The following ZNF407 variants were observed in gnomAD, a reference collection of about 807,000 sequenced individuals.
ZNF407 encodes the protein zinc finger protein 407.
Under a neutral mutation model 131.2 loss-of-function variants are expected in ZNF407, and 17 were observed. The observed-to-expected ratio is 0.13, with a 90% CI of 0.09 to 0.19. ZNF407 has a LOEUF of 0.19. Among genes scored for constraint, ZNF407 ranks in the 10% least tolerant of loss-of-function variants. The probability of loss-of-function intolerance (pLI) is 1.00; values close to 1 mark genes in which losing one functional copy is unlikely to be tolerated. For synonymous variants in ZNF407, 1,156 were observed against 1,062.0 expected (o/e 1.09, Z -1.72); for missense variants, 2,681 against 2,830.6 (o/e 0.95, Z 1.20).
chr18:74,814,026 C>T (rs1251517139), intron 4 of ZNF407, among the ~76,000 whole-genome samples: 3 of 152,146 alleles, frequency 2.0e-5, no homozygotes, highest in Admixed American at 2.0e-4. Flanking sequence ...TCCTACCCTT[C>T]ATGGCATAAG....
rs192279989 is a variant in ZNF407, at chr18:74,763,159, T to G, written c.4803-18269T>G. Among the ~76,000 whole-genome samples the G allele has an allele frequency of 6.3e-5, 9 of 143,450 alleles. 1 individual carries two copies. In the East Asian group the frequency reaches 2.0e-3, roughly 33 times the overall value. 94.1% of individuals were successfully genotyped at this position (143,450 alleles called of 152,430 possible). A position where few individuals can be genotyped will look rare whatever the true frequency, so the allele number is the denominator to read the frequency against. On this transcript the variant is annotated intron_variant, in intron 3 of 8. Transcript: ENST00000299687. ...AGAGGAATCTCTTGGTGATTTAATT[T>G]GCATGTCCCTAATGATTTTGAGCAT...
At chr18:74,655,410 A>T (rs533205881) in intron 3 of ZNF407, among the ~76,000 whole-genome samples, 51 of 152,216 alleles carry the variant, frequency 3.4e-4, no homozygotes, top group African/African-American at 1.2e-3. Context: ...ATTTGAAAAA[A>T]TATACATTAC....
At chr18:74,961,773 C>T (rs889329081) in intron 8 of ZNF407, among the ~76,000 whole-genome samples, 1 of 151,670 alleles carries the variant, frequency 6.6e-6, no homozygotes, top group East Asian at 1.9e-4. Flanking sequence ...AATGAGGTTT[C>T]TGTGGTTTTT....
intron 8 of ZNF407, among the ~76,000 whole-genome samples, chr18:75,041,472 C>G (rs541712227): frequency 1.3e-5 from 2 of 152,220 alleles, no homozygotes; most frequent in East Asian, 3.9e-4. Flanking sequence ...CACACACACT[C>G]ACACACACAG....
At chr18:75,038,323 T>G (rs1389843096) in intron 8 of ZNF407, among the ~76,000 whole-genome samples, 1 of 152,214 alleles carries the variant, frequency 6.6e-6, no homozygotes, top group Non-Finnish European at 1.5e-5. Context: ...AACTTCCCCA[T>G]AGTGTCTGAG....
At chr18:74,862,041 T>C (rs776417108) in intron 4 of ZNF407, among the ~76,000 whole-genome samples, 3 of 152,224 alleles carry the variant, frequency 2.0e-5, no homozygotes, top group Non-Finnish European at 4.4e-5. Flanking sequence ...TTGTGAATAG[T>C]ATTTTCTTTG....
intron 8 of ZNF407, among the ~76,000 whole-genome samples, chr18:74,974,452 G>A (rs938765759): frequency 9.2e-5 from 14 of 152,156 alleles, no homozygotes; most frequent in African/African-American, 3.1e-4. Context: ...GAAGATGGCT[G>A]TAATGACATC....
intron 3 of ZNF407, among the ~76,000 whole-genome samples, chr18:74,727,103 G>T (rs143210016): frequency 2.6e-5 from 4 of 152,238 alleles, no homozygotes; most frequent in African/African-American, 9.6e-5. Context: ...CACTTAGCTG[G>T]GTACTAAGAT....
Position 74,903,069 on chromosome 18 carries a change from T to C in ZNF407, c.5249+13031T>C, listed in dbSNP as rs527975233. Among the ~76,000 whole-genome samples the C allele has an allele frequency of 2.0e-5, 3 of 152,300 alleles. No homozygotes were observed. The South Asian group carries it at 6.2e-4, about 32-fold the overall frequency. On this transcript the variant is annotated intron_variant, in intron 7 of 8. Coordinates refer to ENST00000299687, the MANE Select transcript of ZNF407 (RefSeq NM_017757.3). The stretch of plus-strand genomic sequence containing the variant: ...GGTGAGTCTAAGAGCTTGTGGTGAC[T>C]TATGTGACCAGGCCTGCCAGACTGC...
chr18:74,964,889 G>T (rs1972392827), intron 8 of ZNF407, among the ~76,000 whole-genome samples: 1 of 152,198 alleles, frequency 6.6e-6, no homozygotes. Context: ...CTAAAATTCA[G>T]AGCCTATGTG....
intron 3 of ZNF407, among the ~76,000 whole-genome samples, chr18:74,726,419 A>G (rs775207061): frequency 4.6e-5 from 7 of 152,226 alleles, no homozygotes; most frequent in Non-Finnish European, 8.8e-5. Flanking sequence ...TATACTATGC[A>G]TGGAAGGAAT....
intron 3 of ZNF407, among the ~76,000 whole-genome samples, chr18:74,755,885 CTTTTTTTTTTTT>C (rs34750560): frequency 3.9e-5 from 1 of 25,834 alleles, no homozygotes; most frequent in Non-Finnish European, 6.0e-5. Flanking sequence ...CTTTTCCTTC[CTTTTTTTTTTTT>C]TTTTTTTTTT....
chr18:74,654,950 C>T (rs1029733531), intron 3 of ZNF407, among the ~76,000 whole-genome samples: 1 of 151,726 alleles, frequency 6.6e-6, no homozygotes, highest in Non-Finnish European at 1.5e-5. Flanking sequence ...ATTTCACGTG[C>T]TTAGTCATCT....
chr18:74,878,115 A>G (rs1410124425), intron 5 of ZNF407, among the ~76,000 whole-genome samples: 4 of 151,978 alleles, frequency 2.6e-5, no homozygotes, highest in Non-Finnish European at 4.4e-5. Context: ...GTAAGACCCT[A>G]TTGTGATGTT....
intron 3 of ZNF407, among the ~76,000 whole-genome samples, chr18:74,733,743 G>A (rs1477716841): frequency 6.6e-6 from 1 of 152,154 alleles, no homozygotes; most frequent in Non-Finnish European, 1.5e-5. Flanking sequence ...GTGCTGCTTT[G>A]CTGCAGGTCA....
chr18:74,738,122 A>G (rs117654360), intron 3 of ZNF407, among the ~76,000 whole-genome samples: 57 of 152,180 alleles, frequency 3.7e-4, no homozygotes, highest in Non-Finnish European at 7.4e-4. Flanking sequence ...TCACTGTTCA[A>G]TTAAAAAGGG....
intron 3 of ZNF407, among the ~76,000 whole-genome samples, chr18:74,659,665 A>G (rs1985627046): frequency 6.6e-6 from 1 of 152,184 alleles, no homozygotes; most frequent in East Asian, 1.9e-4. Flanking sequence ...AACTTCAGTA[A>G]AAAGACACAG....
At chr18:74,833,956 G>A (rs965160650) in intron 4 of ZNF407, among the ~76,000 whole-genome samples, 15 of 152,262 alleles carry the variant, frequency 9.9e-5, no homozygotes, top group South Asian at 8.3e-4. Context: ...AGATAGCAAA[G>A]GATTGTGTAG....
At chr18:74,680,422 C>T (rs988255253) in intron 3 of ZNF407, among the ~76,000 whole-genome samples, 1 of 149,158 alleles carries the variant, frequency 6.7e-6, no homozygotes, top group Non-Finnish European at 1.5e-5. Flanking sequence ...AAAAATAGAA[C>T]CCCCAAACAA....
Sources: allele counts gnomAD v4.1 joint callset (sites outside exome capture counted in the v4.1 genomes callset), GRCh38; gene constraint gnomAD v4.1.1; transcripts MANE v1.5; gene names NCBI Gene and HGNC (gene_info 2026-07-23, HGNC 2026-07-21).